Variants in NCALD observed in about 807,000 individuals in gnomAD.
NCALD encodes the protein neurocalcin delta, also known as neurocalcin-delta.
NCALD carries 10 observed loss-of-function variants against 18.6 expected under a neutral mutation model. The ratio of observed to expected loss-of-function variants is 0.54; its 90% CI spans 0.33 to 0.91. The LOEUF (loss-of-function observed/expected upper bound fraction) is 0.91. NCALD is among the 40% of genes least tolerant of loss of function. The pLI, the probability that NCALD is intolerant of heterozygous loss-of-function variation, is 0.03. For missense variants in NCALD, 184 were observed against 247.6 expected (o/e 0.74, Z 1.72); for synonymous variants, 88 against 87.4 (o/e 1.01, Z -0.04).
chr8:101,762,914 G>A (rs1042299322), intron 1 of NCALD, among the ~76,000 whole-genome samples: 8 of 152,184 alleles, frequency 5.3e-5, no homozygotes, highest in African/African-American at 1.7e-4. Context: ...ATGCTCAACT[G>A]AAGAAACTTA....
chr8:102,115,164 C>A (rs1054762134), intron 1 of NCALD, among the ~76,000 whole-genome samples: 2 of 152,232 alleles, frequency 1.3e-5, no homozygotes, highest in African/African-American at 2.4e-5. Context: ...CAAGGCAAAC[C>A]TTTTCTTCAG....
chr8:101,758,038 C>T (rs540370300), intron 1 of NCALD, among the ~76,000 whole-genome samples: 19 of 152,264 alleles, frequency 1.2e-4, no homozygotes, highest in African/African-American at 4.3e-4. Context: ...ATTCCTCCTG[C>T]ATCAGCCTCC....
chr8:101,930,881 C>G (rs1342637361), intron 2 of NCALD, among the ~76,000 whole-genome samples: 1 of 152,138 alleles, frequency 6.6e-6, no homozygotes, highest in Non-Finnish European at 1.5e-5. Context: ...TTACCTTGAC[C>G]TTTTCTATTC....
chr8:102,079,122 G>A (rs775566571), intron 1 of NCALD, among the ~76,000 whole-genome samples: 7 of 152,134 alleles, frequency 4.6e-5, no homozygotes, highest in Admixed American at 3.3e-4. Context: ...ACCCATGAAG[G>A]CTGGCTGCAT....
In NCALD at chr8:101,892,607, C is replaced by T. The variant is rs1264947; in HGVS notation, c.-106-5380G>A. On this transcript the variant is annotated intron_variant, in intron 3 of 6. Coordinates refer to the NCALD transcript ENST00000311028. ...TCAAACCAAAGGCAAAGAAGTTGAACACTTTGAAAAAAATATAGAAGAATG... is the reference window on the plus strand; with the variant it reads ...TCAAACCAAAGGCAAAGAAGTTGAATACTTTGAAAAAAATATAGAAGAATG... 7.5e-5 allele frequency among the ~76,000 whole-genome samples: 11 copies of T among 145,836 alleles called. 1 individual carries two copies. Among genetic ancestry groups the T allele is most frequent in the African/African-American group, 2.2e-4 (8 of 36,834 alleles).
chr8:101,826,852 T>C (rs1412292052), intron 4 of NCALD, among the ~76,000 whole-genome samples: 1 of 152,258 alleles, frequency 6.6e-6, no homozygotes, highest in Admixed American at 6.5e-5. Context: ...CTGTTGTGCA[T>C]AGAGTCACTG....
chr8:101,950,761 G>A (rs1819383434), intron 2 of NCALD, among the ~76,000 whole-genome samples: 1 of 152,178 alleles, frequency 6.6e-6, no homozygotes, highest in Non-Finnish European at 1.5e-5. Flanking sequence ...AGAAGAATAA[G>A]CCACATGGAA....
At chr8:102,080,898 T>C (rs547084248) in intron 1 of NCALD, among the ~76,000 whole-genome samples, 35 of 152,326 alleles carry the variant, frequency 2.3e-4, no homozygotes, top group Non-Finnish European at 4.4e-4. Flanking sequence ...GCCTGAGGGT[T>C]TGAGACATGG....
intron 1 of NCALD, among the ~76,000 whole-genome samples, chr8:102,103,570 T>C (rs1218851474): frequency 2.6e-5 from 4 of 152,120 alleles, no homozygotes; most frequent in Non-Finnish European, 5.9e-5. Flanking sequence ...CTTTCTTTTT[T>C]TTGAGACATG....
At chr8:101,747,155 C>G (rs759041049) in intron 1 of NCALD, among the ~76,000 whole-genome samples, 10 of 148,792 alleles carry the variant, frequency 6.7e-5, no homozygotes, top group African/African-American at 7.3e-5. Flanking sequence ...TCTTTTCCTG[C>G]CCCACACACA....
chr8:101,770,739 A>G lies in NCALD; in HGVS notation c.-20+20123T>C, dbSNP rs1221930650. On this transcript the variant is annotated intron_variant, in intron 1 of 3. Coordinates refer to ENST00000220931, the MANE Select transcript of NCALD (RefSeq NM_032041.3). The stretch of plus-strand genomic sequence containing the variant: ...GAGACAGCCACAGTCAAGATTTCCC[A>G]AAAGTCATGATTTCAAATGATTTTA... Among the ~76,000 whole-genome samples the G allele has an allele frequency of 5.9e-5, 9 of 152,338 alleles. No homozygotes were observed. In the East Asian group the frequency reaches 1.7e-3, roughly 29 times the overall value.
Position 101,757,421 on chromosome 8 carries a change from C to A in NCALD, c.-20+33441G>T, listed in dbSNP as rs1287498813. ...GAACTTAAAACAGAGCATGTCCTGA[C>A]CTCTGAGGGCTGCAGAGACAACTAC... On this transcript the variant is annotated intron_variant, in intron 1 of 3. Coordinates refer to ENST00000220931, the MANE Select transcript of NCALD (RefSeq NM_032041.3). 2.6e-5 allele frequency among the ~76,000 whole-genome samples: 4 copies of A among 152,146 alleles called. No individual in the cohort carries two copies. The East Asian group carries it at 7.7e-4, about 29-fold the overall frequency.
chr8:102,005,333 T>A (rs892849633), intron 2 of NCALD, among the ~76,000 whole-genome samples: 17 of 152,166 alleles, frequency 1.1e-4, no homozygotes, highest in Non-Finnish European at 2.2e-4. Context: ...TGAGATACTA[T>A]CTCACACCAG....
chr8:101,973,686 T>C (rs1319685309), intron 2 of NCALD, among the ~76,000 whole-genome samples: 1 of 152,100 alleles, frequency 6.6e-6, no homozygotes, highest in Non-Finnish European at 1.5e-5. Flanking sequence ...GTGAGACAGA[T>C]GTGTGACCAA....
chr8:101,804,985 T>C (rs1188077576), intron 4 of NCALD, among the ~76,000 whole-genome samples: 2 of 152,126 alleles, frequency 1.3e-5, no homozygotes, highest in African/African-American at 2.4e-5. Flanking sequence ...TGACTCGGCA[T>C]ATATATGTTT....
intron 2 of NCALD, among the ~76,000 whole-genome samples, chr8:102,018,736 C>T (rs1822173803): frequency 6.6e-6 from 1 of 152,122 alleles, no homozygotes; most frequent in South Asian, 2.1e-4. Context: ...ATGTGTTAAT[C>T]ATACCTCAGT....
At chr8:101,843,715 G>A (rs1439935771) in intron 4 of NCALD, among the ~76,000 whole-genome samples, 2 of 151,286 alleles carry the variant, frequency 1.3e-5, no homozygotes, top group African/African-American at 4.9e-5. Context: ...CAGAATAGCT[G>A]GGATTACAGG....
At chr8:101,715,134 T>C (rs1191489717) in intron 2 of NCALD, among the ~76,000 whole-genome samples, 1 of 151,920 alleles carries the variant, frequency 6.6e-6, no homozygotes, top group Non-Finnish European at 1.5e-5. Flanking sequence ...AACAGATATA[T>C]AGACCAATGG....
intron 3 of NCALD, chr8:101,692,419 C>A (rs1348593712): frequency 2.0e-6 from 2 of 985,238 alleles, no homozygotes; most frequent in Non-Finnish European, 2.4e-6. Context: ...GAATAACAAC[C>A]CTCTCCCCAT....
Sources: gnomAD v4.1 joint callset for allele counts (sites outside exome capture counted in the v4.1 genomes callset) on GRCh38, gnomAD v4.1.1 for gene constraint, MANE v1.5 for transcripts, NCBI Gene and HGNC (gene_info 2026-07-23, HGNC 2026-07-21) for gene names.